The following PRSS3 variants were observed in gnomAD, a reference collection of about 807,000 sequenced individuals.
PRSS3 encodes the protein trypsin-3.
Under a neutral mutation model 20.8 loss-of-function variants are expected in PRSS3, and 14 were observed. The ratio of observed to expected loss-of-function variants is 0.67; its 90% CI spans 0.44 to 1.05. The LOEUF (loss-of-function observed/expected upper bound fraction) is 1.05, where lower values mean the gene tolerates loss of function less well. PRSS3 is among the 50% of genes least tolerant of loss of function. The probability of loss-of-function intolerance (pLI) is 0.00; values close to 1 mark genes in which losing one functional copy is unlikely to be tolerated. For missense variants in PRSS3, 237 were observed against 306.4 expected (o/e 0.77, Z 1.69); for synonymous variants, 91 against 117.6 (o/e 0.77, Z 1.46).
chr9:33,775,205 C>A (rs1292174616), intron 1 of PRSS3, among the ~76,000 whole-genome samples: 2 of 152,150 alleles, frequency 1.3e-5, no homozygotes, highest in Non-Finnish European at 2.9e-5. Flanking sequence ...ACTACTAGAT[C>A]TTTAGGCAAG....
At chr9:33,767,125 T>G (rs1823469376) in intron 1 of PRSS3, among the ~76,000 whole-genome samples, 1 of 152,154 alleles carries the variant, frequency 6.6e-6, no homozygotes, top group African/African-American at 2.4e-5. Context: ...GAGAGTTATT[T>G]TTCACAGTGA....
intron 2 of PRSS3, among the ~76,000 whole-genome samples, chr9:33,797,301 G>C (rs1825014694): frequency 6.6e-6 from 1 of 152,220 alleles, no homozygotes; most frequent in Non-Finnish European, 1.5e-5. Context: ...AAATCACTGG[G>C]TCCCATCCCC....
At chr9:33,753,854 G>C (rs1822807168) in intron 1 of PRSS3, among the ~76,000 whole-genome samples, 1 of 152,202 alleles carries the variant, frequency 6.6e-6, no homozygotes, top group South Asian at 2.1e-4. Flanking sequence ...AGAAGGAGAA[G>C]TCTGGAGGTG....
chr9:33,792,548 G>A (rs1328878239), upstream of PRSS3, among the ~76,000 whole-genome samples: 1 of 152,224 alleles, frequency 6.6e-6, no homozygotes, highest in Non-Finnish European at 1.5e-5. Context: ...CAGTGAGGGT[G>A]CACCAAGGAT....
At chr9:33,753,415 A>C (rs1220454430) in intron 1 of PRSS3, among the ~76,000 whole-genome samples, 1 of 152,240 alleles carries the variant, frequency 6.6e-6, no homozygotes, top group Non-Finnish European at 1.5e-5. Flanking sequence ...ACTTCATTGG[A>C]GAATTACAGC....
intron 1 of PRSS3, among the ~76,000 whole-genome samples, chr9:33,756,139 T>C (rs1424952168): frequency 6.6e-6 from 1 of 152,246 alleles, no homozygotes. Context: ...GTCACTTTTC[T>C]TCCTTCACAC....
intron 1 of PRSS3, among the ~76,000 whole-genome samples, chr9:33,761,745 G>A (rs1823217768): frequency 6.6e-6 from 1 of 152,076 alleles, no homozygotes; most frequent in African/African-American, 2.4e-5. Context: ...CAAGCGTGGT[G>A]GTGCACACCT....
At chr9:33,757,529 T>C (rs913775902) in intron 1 of PRSS3, among the ~76,000 whole-genome samples, 1 of 151,446 alleles carries the variant, frequency 6.6e-6, no homozygotes, top group African/African-American at 2.4e-5. Context: ...GAACAGATAC[T>C]ACGTTTGATA....
intron 1 of PRSS3, among the ~76,000 whole-genome samples, chr9:33,766,444 G>A (rs1375882864): frequency 6.6e-6 from 1 of 151,592 alleles, no homozygotes; most frequent in East Asian, 1.9e-4. Flanking sequence ...ATGGTGGCAG[G>A]CGCCTGTAGT....
At chr9:33,766,448 C>T (rs545381570) in intron 1 of PRSS3, among the ~76,000 whole-genome samples, 7 of 143,114 alleles carry the variant, frequency 4.9e-5, no homozygotes, top group Non-Finnish European at 7.7e-5. Flanking sequence ...TGGCAGGCGC[C>T]TGTAGTCCCA....
chr9:33,752,484 A>G (rs1357264779), intron 1 of PRSS3, among the ~76,000 whole-genome samples: 2 of 152,208 alleles, frequency 1.3e-5, no homozygotes, highest in African/African-American at 4.8e-5. Context: ...TAAAGTCACT[A>G]GTGTGTCAAC....
chr9:33,799,212 A>G lies in PRSS3; in HGVS notation c.*32A>G, dbSNP rs1825208403. On this transcript the variant is annotated 3_prime_UTR_variant, in exon 5 of 5. Transcript: ENST00000379405. ...CGGTCCCTCTGCAGTCTCTATACCAATAAAGTGGCCCTGCTCTCACTCTGT... is the reference window on the plus strand; with the variant it reads ...CGGTCCCTCTGCAGTCTCTATACCAGTAAAGTGGCCCTGCTCTCACTCTGT... 1.2e-6 allele frequency: 2 copies of G among 1,611,934 alleles called. No individual in the cohort carries two copies. Among genetic ancestry groups the G allele is most frequent in the South Asian group, 2.2e-5 (2 of 90,714 alleles).
intron 1 of PRSS3, among the ~76,000 whole-genome samples, chr9:33,757,241 T>C (rs933110692): frequency 6.6e-6 from 1 of 152,242 alleles, no homozygotes; most frequent in African/African-American, 2.4e-5. Context: ...CACATTTTCT[T>C]TTCTATTGAA....
intron 1 of PRSS3, among the ~76,000 whole-genome samples, chr9:33,764,448 G>T (rs1195045410): frequency 6.6e-6 from 1 of 152,132 alleles, no homozygotes; most frequent in African/African-American, 2.4e-5. Flanking sequence ...CGGGAGAATC[G>T]CTTGAATGTA....
intron 1 of PRSS3, among the ~76,000 whole-genome samples, chr9:33,752,526 T>C (rs1822744646): frequency 6.6e-6 from 1 of 152,200 alleles, no homozygotes. Flanking sequence ...TCCATATTTG[T>C]TTGTGTAGAC....
At chr9:33,780,626 C>A (rs748129584) in intron 1 of PRSS3, among the ~76,000 whole-genome samples, 3 of 152,174 alleles carry the variant, frequency 2.0e-5, no homozygotes, top group Non-Finnish European at 2.9e-5. Context: ...GATAAAAACA[C>A]AAGACCCAAC....
Position 33,750,734 on chromosome 9 carries a change from C to A in PRSS3, c.-53+7C>A. On this transcript the variant is annotated splice_region_variant and intron_variant, in intron 1 of 5. Transcript: ENST00000342836. The surrounding 1 kb of genome is among the most constrained non-coding windows in gnomAD (Gnocchi z 4.8). ...TGCGAGGCGCTGGGCACAGGTCAGA[C>A]GTCAGTACCCGCAGGGGGCTTGAAA... 1 of 1,430,112 alleles carries A rather than the reference C, an allele frequency of 7.0e-7. No individual in the cohort carries two copies. The highest frequency in any genetic ancestry group is 9.1e-7 in the Non-Finnish European group (1 of 1,096,536). 88.6% of individuals were successfully genotyped at this position (1,430,112 alleles called of 1,614,324 possible).
chr9:33,761,630 C>T (rs1480926838), intron 1 of PRSS3, among the ~76,000 whole-genome samples: 5 of 151,990 alleles, frequency 3.3e-5, no homozygotes, highest in East Asian at 1.9e-4. Flanking sequence ...AGCTTGAACC[C>T]GGGAGGTGGA....
intron 1 of PRSS3, among the ~76,000 whole-genome samples, chr9:33,752,413 C>T (rs1394775101): frequency 1.3e-5 from 2 of 152,226 alleles, no homozygotes; most frequent in Non-Finnish European, 2.9e-5. Context: ...AGTTTCACCA[C>T]ACAGAGTCAC....
Sources: gnomAD v4.1 joint callset for allele counts (sites outside exome capture counted in the v4.1 genomes callset) on GRCh38, gnomAD v4.1.1 for gene constraint, Gnocchi (gnomAD v3.1) non-coding constraint, MANE v1.5 for transcripts, NCBI Gene and HGNC (gene_info 2026-07-23, HGNC 2026-07-21) for gene names.